The following ERC1 variants were observed in gnomAD, a reference collection of about 807,000 sequenced individuals.
The protein encoded by ERC1 is ELKS/RAB6-interacting/CAST family member 1, also known as RAB6 interacting protein 2.
A neutral mutation model predicts 132.0 loss-of-function variants in ERC1; 56 were observed. The observed-to-expected ratio is 0.42, with a 90% CI of 0.34 to 0.53. The LOEUF (loss-of-function observed/expected upper bound fraction) is 0.53, where lower values mean the gene tolerates loss of function less well. ERC1 is among the 20% of genes least tolerant of loss of function. The pLI is 0.03. For synonymous variants in ERC1, 478 were observed against 476.1 expected (o/e 1.00, Z -0.05); for missense variants, 1,202 against 1,349.9 (o/e 0.89, Z 1.72).
At chr12:1,352,106 C>A (rs1005558468) in intron 15 of ERC1, among the ~76,000 whole-genome samples, 1 of 152,252 alleles carries the variant, frequency 6.6e-6, no homozygotes, top group East Asian at 1.9e-4. Context: ...CAGGCCTTAA[C>A]CTTCTTATTG....
chr12:1,325,604 A>G (rs2082394033), intron 15 of ERC1, among the ~76,000 whole-genome samples: 1 of 152,148 alleles, frequency 6.6e-6, no homozygotes, highest in African/African-American at 2.4e-5. Flanking sequence ...AGACAATTTT[A>G]TATATATTTT....
At chr12:1,236,575 G>A (rs2075428417) in intron 12 of ERC1, among the ~76,000 whole-genome samples, 194 bp from the exon 13 acceptor site, 1 of 152,000 alleles carries the variant, frequency 6.6e-6, no homozygotes, top group African/African-American at 2.4e-5. Flanking sequence ...GTTCTTTATG[G>A]GAAAACTTAT....
intron 18 of ERC1, among the ~76,000 whole-genome samples, chr12:1,469,949 C>T (rs773317166): frequency 5.3e-5 from 8 of 151,130 alleles, no homozygotes; most frequent in African/African-American, 1.7e-4. Context: ...CAGGTATGCC[C>T]CGGGGTCACT....
intron 1 of ERC1, among the ~76,000 whole-genome samples, chr12:1,014,102 A>G (rs986944424): frequency 2.0e-5 from 3 of 151,992 alleles, no homozygotes; most frequent in South Asian, 2.1e-4. Context: ...TGCTGTGTAA[A>G]TTAGTGCCGA....
chr12:1,116,868 A>G (rs1946511197), intron 7 of ERC1, among the ~76,000 whole-genome samples: 2 of 152,216 alleles, frequency 1.3e-5, no homozygotes, highest in Admixed American at 1.3e-4. Flanking sequence ...GGCATGAGCC[A>G]CCATGCCCGG....
intron 15 of ERC1, among the ~76,000 whole-genome samples, chr12:1,313,417 T>C (rs1003007537): frequency 6.6e-6 from 1 of 152,090 alleles, no homozygotes; most frequent in Non-Finnish European, 1.5e-5. Context: ...AGGATGTTGA[T>C]GGAGTGGATG....
At chr12:1,338,930 C>T (rs1173564504) in intron 15 of ERC1, among the ~76,000 whole-genome samples, 2 of 152,252 alleles carry the variant, frequency 1.3e-5, no homozygotes, top group Non-Finnish European at 2.9e-5. Flanking sequence ...CTGGTGGGGC[C>T]GAAGTGCTCC....
At position 1,159,853 on chromosome 12, in the gene ERC1, C is replaced by T. The variant is rs556366308; in HGVS notation, c.1737+18066C>T. ...TGGGCTACTCAGTGAAACTCACTAA[C>T]GTTCAGTTTCTTCATCTGTAGAGTG... is the stretch of plus-strand genomic sequence containing the variant. On this transcript the variant is annotated intron_variant, in intron 8 of 18. Transcript: ENST00000360905. 8.5e-5 allele frequency among the ~76,000 whole-genome samples: 13 copies of T among 152,214 alleles called. No homozygotes were observed. In the East Asian group the frequency reaches 1.7e-3, roughly 20 times the overall value.
rs777654403 is a variant in ERC1, at chr12:1,083,259, C to T, written c.765C>T (p.Gly255=). Residue 255 remains glycine (G), a synonymous_variant, in exon 3 of 19, where the codon GGC becomes GGT. Transcript: ENST00000360905. The part of the protein sequence containing the change: ...LFQQDSSSRT[G]EPCVAELTEE... ...AGCAGGATAGTAGCAGCAGGACTGGCGAACCTTGTGTAGCAGAGCTGACAG... is the reference window on the plus strand; with the variant it reads ...AGCAGGATAGTAGCAGCAGGACTGGTGAACCTTGTGTAGCAGAGCTGACAG... 30 of 1,614,018 alleles carry T rather than the reference C, an allele frequency of 1.9e-5. No individual in the cohort carries two copies. Among genetic ancestry groups the T allele is most frequent in the Non-Finnish European group, 2.4e-5 (28 of 1,180,016 alleles).
chr12:1,195,709 C>T (rs1956157432), intron 12 of ERC1, among the ~76,000 whole-genome samples: 2 of 152,174 alleles, frequency 1.3e-5, no homozygotes, highest in Admixed American at 1.3e-4. Flanking sequence ...AACAAAACCT[C>T]AGCAAAGCAG....
At chr12:1,468,238 T>C (rs2093784924) in intron 18 of ERC1, among the ~76,000 whole-genome samples, 1 of 145,284 alleles carries the variant, frequency 6.9e-6, no homozygotes, top group Non-Finnish European at 1.5e-5. Context: ...ATGAGTTTTC[T>C]TAGCACTGTA....
chr12:1,358,250 T>TC (rs2085733283), intron 15 of ERC1, among the ~76,000 whole-genome samples: 1 of 150,868 alleles, frequency 6.6e-6, no homozygotes, highest in African/African-American at 2.4e-5. Flanking sequence ...TTTTTTTTTT[T>TC]CAAATAATAC....
chr12:1,126,986 C>CGAAAAAAAAAAA (rs1948241712), intron 7 of ERC1, among the ~76,000 whole-genome samples: 1 of 114,192 alleles, frequency 8.8e-6, no homozygotes, highest in Non-Finnish European at 1.7e-5. Context: ...GATTCTGTCT[C>CGAAAAAAAAAAA]AAAAAAAAAA....
At chr12:1,282,722 C>T (rs911954593) in intron 14 of ERC1, among the ~76,000 whole-genome samples, 1 of 152,196 alleles carries the variant, frequency 6.6e-6, no homozygotes, top group African/African-American at 2.4e-5. Context: ...CAAAAATGCT[C>T]CTCCACTCAA....
At chr12:1,019,743 T>C (rs1966054412) in intron 1 of ERC1, among the ~76,000 whole-genome samples, 2 of 152,052 alleles carry the variant, frequency 1.3e-5, no homozygotes, top group South Asian at 4.1e-4. Context: ...GACAGGGTCT[T>C]GCCATGTCAT....
intron 16 of ERC1, among the ~76,000 whole-genome samples, chr12:1,388,978 A>C (rs2154381733): frequency 6.6e-6 from 1 of 152,252 alleles, no homozygotes; most frequent in South Asian, 2.1e-4. Flanking sequence ...TCTACTAAAA[A>C]TTTCCTCCTT....
At chr12:1,069,449 G>A (rs1939912665) in intron 2 of ERC1, among the ~76,000 whole-genome samples, 1 of 152,034 alleles carries the variant, frequency 6.6e-6, no homozygotes, top group Non-Finnish European at 1.5e-5. Flanking sequence ...TATAGATGGA[G>A]GTGTAATTTA....
intron 17 of ERC1, among the ~76,000 whole-genome samples, chr12:1,426,944 C>T (rs963939391): frequency 1.3e-5 from 2 of 152,012 alleles, no homozygotes. Context: ...TGTGTCTGCC[C>T]TCCTTCTAGT....
intron 15 of ERC1, among the ~76,000 whole-genome samples, chr12:1,314,560 C>G (rs182428138): frequency 1.3e-5 from 2 of 152,192 alleles, no homozygotes; most frequent in Non-Finnish European, 2.9e-5. Context: ...AGGAACTTTC[C>G]TACCTGAATT....
Sources: gnomAD v4.1 joint callset for allele counts (sites outside exome capture counted in the v4.1 genomes callset) on GRCh38, gnomAD v4.1.1 for gene constraint, MANE v1.5 for transcripts, NCBI Gene and HGNC (gene_info 2026-07-23, HGNC 2026-07-21) for gene names.